Variants in ADORA2B observed in about 807,000 individuals in gnomAD.
The protein encoded by ADORA2B is adenosine A2b receptor.
Under a neutral mutation model 20.8 loss-of-function variants are expected in ADORA2B, and 18 were observed. That is an observed-to-expected ratio of 0.87 (90% CI 0.60 to 1.29). ADORA2B has a LOEUF of 1.29. ADORA2B is among the 50% of genes most tolerant of loss of function. The pLI, the probability that ADORA2B is intolerant of heterozygous loss-of-function variation, is 0.00. For synonymous variants in ADORA2B, 179 were observed against 178.3 expected, an observed-to-expected ratio of 1.00 and a Z score of -0.03; for missense variants, 441 against 422.7, an observed-to-expected ratio of 1.04 and a Z score of -0.38.
intron 1 of ADORA2B, among the ~76,000 whole-genome samples, chr17:15,964,719 C>T (rs1159818750): frequency 2.7e-5 from 4 of 149,810 alleles, no homozygotes; most frequent in East Asian, 2.0e-4. Context: ...AAAAAAAAAC[C>T]TTTTATAGTT....
chr17:15,969,610 A>G (rs1296513815), intron 1 of ADORA2B, among the ~76,000 whole-genome samples: 2 of 152,124 alleles, frequency 1.3e-5, no homozygotes, highest in African/African-American at 4.8e-5. Context: ...GCGTAGGGGG[A>G]AACCCTAAGG....
the ADORA2B span, among the ~76,000 whole-genome samples, chr17:15,930,511 G>T: frequency 2.0e-5 from 3 of 152,086 alleles, no homozygotes; most frequent in East Asian, 3.9e-4. Context: ...GGCCAAGCTG[G>T]TCTTGAACTC....
chr17:15,974,888 T>TGG lies in ADORA2B; in HGVS notation c.546_547dup (p.Val183GlyfsTer16). 2 of 1,614,156 alleles carry TGG rather than the reference T, an allele frequency of 1.2e-6. No homozygotes were observed. The highest frequency in any genetic ancestry group is 1.7e-6 in the Non-Finnish European group (2 of 1,180,024). On this transcript the variant is annotated frameshift_variant, in exon 2 of 2. Coordinates refer to ENST00000304222, the MANE Select transcript of ADORA2B (RefSeq NM_000676.4). LOFTEE classifies it high-confidence loss of function. The stretch of plus-strand genomic sequence containing the variant: ...GAGAATGTGGTCCCCATGAGCTACA[T>TGG]GGTATATTTCAATTTCTTTGGGTGT...
At chr17:15,878,864 T>G in the ADORA2B span, among the ~76,000 whole-genome samples, 1 of 152,198 alleles carries the variant, frequency 6.6e-6, no homozygotes, top group Non-Finnish European at 1.5e-5. Flanking sequence ...TTAAACTTAT[T>G]TATGTAATTA....
At chr17:15,883,538 G>A in the ADORA2B span, among the ~76,000 whole-genome samples, 1 of 152,186 alleles carries the variant, frequency 6.6e-6, no homozygotes, top group Non-Finnish European at 1.5e-5. Flanking sequence ...GGGGATTGGG[G>A]TATTCAGAGA....
chr17:15,893,658 A>G, the ADORA2B span, among the ~76,000 whole-genome samples: 14 of 152,328 alleles, frequency 9.2e-5, no homozygotes, highest in African/African-American at 3.4e-4. Context: ...CACCAACAAA[A>G]CATTCCCTGC....
the ADORA2B span, among the ~76,000 whole-genome samples, chr17:15,919,057 G>C: frequency 2.0e-5 from 3 of 151,988 alleles, no homozygotes; most frequent in African/African-American, 7.3e-5. Context: ...CTGCTTCCTG[G>C]GCAGCTGTCC....
chr17:15,920,413 T>A, the ADORA2B span, among the ~76,000 whole-genome samples: 2 of 152,178 alleles, frequency 1.3e-5, no homozygotes, highest in Admixed American at 6.5e-5. Context: ...ATAGCAATGA[T>A]TGTTTCATAT....
the ADORA2B span, among the ~76,000 whole-genome samples, chr17:15,923,206 A>ATTCTTTTTTTTTTTTTTTTTT: frequency 7.9e-5 from 9 of 113,524 alleles, no homozygotes; most frequent in African/African-American, 3.2e-4. Flanking sequence ...TCTTTTTTTA[A>ATTCTTTTTTTTTTTTTTTTTT]TTTTTTTTTT....
chr17:15,933,235 G>C, the ADORA2B span, among the ~76,000 whole-genome samples: 1 of 152,168 alleles, frequency 6.6e-6, no homozygotes, highest in Non-Finnish European at 1.5e-5. Flanking sequence ...GATTACAGGC[G>C]TGAGCCACTG....
chr17:15,926,123 ATTTAC>A, the ADORA2B span, among the ~76,000 whole-genome samples: 5 of 152,044 alleles, frequency 3.3e-5, no homozygotes, highest in African/African-American at 1.2e-4. Flanking sequence ...CATCGGTTTT[ATTTAC>A]TTGCACGCTT....
the ADORA2B span, among the ~76,000 whole-genome samples, chr17:15,866,995 C>T: frequency 1.6e-4 from 25 of 152,364 alleles, no homozygotes; most frequent in Non-Finnish European, 2.6e-4. Context: ...ATGTGTTGGC[C>T]GGGCTGGTCT....
chr17:15,934,655 G>A, the ADORA2B span, among the ~76,000 whole-genome samples: 1 of 151,896 alleles, frequency 6.6e-6, no homozygotes, highest in African/African-American at 2.4e-5. Flanking sequence ...AATATATAAT[G>A]ATATAAAAAA....
At chr17:15,945,028 A>G, upstream of ADORA2B, 1 of 317,514 alleles carries the variant, frequency 3.1e-6, no homozygotes, top group East Asian at 5.2e-5. Context: ...TGCTCCGCCC[A>G]GCCCGAGACG....
In ADORA2B at chr17:15,945,323, C is replaced by T. The variant is rs2228101; in HGVS notation, c.75C>T (p.Asn25=). 4.4e-3 allele frequency: 6,942 copies of T among 1,592,162 alleles called. 230 individuals are homozygous for T. The African/African-American group carries it at 0.079, about 18-fold the overall frequency. ...TCGCCGCGCTTTCGGTGGCGGGCAA[C>T]GTGCTGGTGTGCGCCGCGGTGGGCA... ...LVIAALSVAG[N]VLVCAAVGTA... is the part of the protein sequence containing the mutation. The change falls in exon 1 of 2, where the codon AAC becomes AAT. Residue 25 remains asparagine, a synonymous_variant. Transcript: ENST00000304222.
At chr17:15,970,699 C>T (rs142117756) in intron 1 of ADORA2B, among the ~76,000 whole-genome samples, 4 of 152,136 alleles carry the variant, frequency 2.6e-5, no homozygotes, top group East Asian at 1.9e-4. Flanking sequence ...TATCAGCAAT[C>T]GAAACATTTA....
rs138471119 is a variant in ADORA2B at position 15,955,202 on chromosome 17, C to T, written c.335+9619C>T. 2.8e-3 allele frequency among the ~76,000 whole-genome samples: 428 copies of T among 152,096 alleles called. 4 individuals carry two copies. The highest frequency in any genetic ancestry group is 3.6e-3 in the Non-Finnish European group (244 of 67,990). Reference sequence around the variant, plus strand: ...AAATACAGTATTTGCGGGTTGTGAACCCGAGTACACAGAGGGCCAACTTTT... The same window carrying T: ...AAATACAGTATTTGCGGGTTGTGAATCCGAGTACACAGAGGGCCAACTTTT... On this transcript the variant is annotated intron_variant, in intron 1 of 1. Transcript: ENST00000304222.
chr17:15,878,393 T>C, the ADORA2B span, among the ~76,000 whole-genome samples: 1 of 152,282 alleles, frequency 6.6e-6, no homozygotes, highest in Middle Eastern at 3.4e-3. Flanking sequence ...AGGTTGCTGC[T>C]GAGCAGAGAA....
chr17:15,868,162 G>C, the ADORA2B span, among the ~76,000 whole-genome samples: 1 of 141,144 alleles, frequency 7.1e-6, no homozygotes, highest in Admixed American at 7.1e-5. Context: ...TTAAACAGAT[G>C]CTTGAAGGCA....
Sources: gnomAD v4.1 joint callset for allele counts (sites outside exome capture counted in the v4.1 genomes callset) on GRCh38, gnomAD v4.1.1 for gene constraint, MANE v1.5 for transcripts, NCBI Gene and HGNC (gene_info 2026-07-23, HGNC 2026-07-21) for gene names.